CTNND2: variants seen among roughly 807,000 people sequenced by gnomAD.
The protein encoded by CTNND2 is catenin delta-2.
In CTNND2, 22 loss-of-function variants were observed where a neutral mutation model predicts 144.4. That is an observed-to-expected ratio of 0.15 (90% confidence interval 0.11 to 0.22). The LOEUF is 0.22. Ranked by LOEUF, CTNND2 falls within the 10% of genes least tolerant of loss-of-function variation. The pLI is 1.00. For synonymous variants in CTNND2, 751 were observed against 695.6 expected, an observed-to-expected ratio of 1.08 and a Z score of -1.25; for missense variants, 1,353 against 1,618.8, an observed-to-expected ratio of 0.84 and a Z score of 2.82.
intron 9 of CTNND2, among the ~76,000 whole-genome samples, chr5:11,240,476 TACACTCAAAC>T (rs1742206199): frequency 1.8e-5 from 1 of 56,384 alleles, no homozygotes; most frequent in African/African-American, 7.0e-5. Context: ...CACACTCACA[TACACTCAAAC>T]ACACACCCAA....
At chr5:11,600,257 C>T (rs1328060379) in intron 2 of CTNND2, among the ~76,000 whole-genome samples, 5 of 151,942 alleles carry the variant, frequency 3.3e-5, no homozygotes, top group African/African-American at 9.7e-5. Flanking sequence ...TTGCTGACAC[C>T]TAAATTCTAA....
chr5:11,396,916 G>T, intron 6 of CTNND2, 115 bp downstream of exon 6: 2 of 984,212 alleles, frequency 2.0e-6, no homozygotes, highest in South Asian at 1.8e-5. Context: ...TCAAGTTGAG[G>T]GACACACCTA....
Position 11,268,532 on chromosome 5 carries a change from T to C in CTNND2, c.1629-31709A>G, listed in dbSNP as rs549530415. On this transcript the variant is annotated intron_variant, in intron 9 of 21. Coordinates refer to ENST00000304623, the MANE Select transcript of CTNND2 (RefSeq NM_001332.4). ...TTGAACTTGACCTGAGAGGTGGAGG[T>C]TGCAGTGAGCCAAGATCATGCCACT... Among the ~76,000 whole-genome samples the C allele has an allele frequency of 6.6e-5, 10 of 152,130 alleles. No individual in the cohort carries two copies. In the South Asian group the frequency reaches 2.1e-3, roughly 32 times the overall value.
intron 10 of CTNND2, among the ~76,000 whole-genome samples, chr5:11,202,875 G>C (rs1159288947): frequency 6.6e-6 from 1 of 151,998 alleles, no homozygotes; most frequent in African/African-American, 2.4e-5. Flanking sequence ...CACGATCTCA[G>C]CTCACTAAAA....
At chr5:11,364,673 C>A in intron 8 of CTNND2, 23 bp downstream of exon 8, 2 of 1,584,394 alleles carry the variant, frequency 1.3e-6, no homozygotes, top group South Asian at 2.3e-5. Context: ...GACAGGCCAC[C>A]CAGTGGGGTC....
At chr5:11,120,186 G>C (rs1753943879) in intron 12 of CTNND2, among the ~76,000 whole-genome samples, 1 of 152,208 alleles carries the variant, frequency 6.6e-6, no homozygotes, top group South Asian at 2.1e-4. Context: ...AGCAGAGAAG[G>C]GGAGTGACTG....
intron 2 of CTNND2, among the ~76,000 whole-genome samples, chr5:11,656,231 G>C (rs1402694172): frequency 1.3e-5 from 2 of 151,860 alleles, no homozygotes; most frequent in Non-Finnish European, 2.9e-5. Flanking sequence ...ACGTTACCTA[G>C]AAATACAATC....
In CTNND2 at chr5:11,233,716, C is replaced by CTGTGTG. The variant is rs3033106; in HGVS notation, c.1761+2969_1761+2974dup. On this transcript the variant is annotated intron_variant, in intron 10 of 21. Coordinates refer to ENST00000304623, the MANE Select transcript of CTNND2 (RefSeq NM_001332.4). Reference sequence around the variant, plus strand: ...AGAATCCTTATTAGAGTTTACGTGTCTGTGTGTGTGTGTGTGTGTGTGTGT... The same window carrying CTGTGTG: ...AGAATCCTTATTAGAGTTTACGTGTCTGTGTGTGTGTGTGTGTGTGTGTGTGTGTGT... 8.3e-3 allele frequency among the ~76,000 whole-genome samples: 1,225 copies of CTGTGTG among 148,318 alleles called. 12 individuals carry two copies. Among genetic ancestry groups the CTGTGTG allele is most frequent in the African/African-American group, 0.014 (560 of 40,254 alleles).
chr5:11,288,461 C>T (rs1015770572), intron 9 of CTNND2, among the ~76,000 whole-genome samples: 8 of 151,994 alleles, frequency 5.3e-5, no homozygotes, highest in Non-Finnish European at 8.8e-5. Context: ...GTTGTGTGAG[C>T]GCTTGCATGG....
chr5:11,121,727 G>A (rs969179456), intron 12 of CTNND2, among the ~76,000 whole-genome samples: 1 of 152,052 alleles, frequency 6.6e-6, no homozygotes, highest in African/African-American at 2.4e-5. Flanking sequence ...AGGACCCAAC[G>A]TGGAACTCAG....
At chr5:11,203,106 C>T (rs960916628) in intron 10 of CTNND2, among the ~76,000 whole-genome samples, 1 of 152,144 alleles carries the variant, frequency 6.6e-6, no homozygotes, top group Non-Finnish European at 1.5e-5. Flanking sequence ...CACCTGGCCC[C>T]TTCCTCCAAT....
chr5:11,760,468 A>T (rs190882351), intron 1 of CTNND2, among the ~76,000 whole-genome samples: 2 of 152,324 alleles, frequency 1.3e-5, no homozygotes, highest in Admixed American at 6.5e-5. Context: ...ACATAACTGC[A>T]TCAAGAATAG....
intron 1 of CTNND2, among the ~76,000 whole-genome samples, chr5:11,879,174 G>A (rs1735786909): frequency 6.6e-6 from 1 of 151,936 alleles, no homozygotes; most frequent in Non-Finnish European, 1.5e-5. Flanking sequence ...TGAAAGGAGA[G>A]GAAGGTGGAG....
chr5:11,417,545 T>C (rs1561361598), intron 3 of CTNND2, among the ~76,000 whole-genome samples: 1 of 151,578 alleles, frequency 6.6e-6, no homozygotes, highest in Non-Finnish European at 1.5e-5. Context: ...CAAAAAAAAA[T>C]GTATGGCCAC....
chr5:11,412,201 G>T (rs1022557411), intron 3 of CTNND2, 132 bp from the exon 4 acceptor site: 15 of 660,436 alleles, frequency 2.3e-5, no homozygotes, highest in Non-Finnish European at 3.8e-5. Context: ...TTCTTACTAT[G>T]AAAAGGGATT....
intron 3 of CTNND2, among the ~76,000 whole-genome samples, chr5:11,437,382 G>A (rs563078619): frequency 3.3e-5 from 5 of 152,316 alleles, no homozygotes; most frequent in Admixed American, 2.0e-4. Flanking sequence ...GGAATTGGAG[G>A]GGAAAAGATA....
chr5:11,142,183 A>T (rs539443736), intron 12 of CTNND2, among the ~76,000 whole-genome samples: 3 of 152,348 alleles, frequency 2.0e-5, no homozygotes, highest in Non-Finnish European at 2.9e-5. Flanking sequence ...GGACTAAGAC[A>T]CCTGTCAAAT....
intron 1 of CTNND2, among the ~76,000 whole-genome samples, chr5:11,773,326 A>G (rs1435670918): frequency 6.6e-6 from 1 of 152,238 alleles, no homozygotes; most frequent in Non-Finnish European, 1.5e-5. Flanking sequence ...ACAATTAGTA[A>G]TGATGCAAAT....
chr5:11,328,968 G>A (rs1406544269), intron 9 of CTNND2, among the ~76,000 whole-genome samples: 1 of 152,200 alleles, frequency 6.6e-6, no homozygotes, highest in African/African-American at 2.4e-5. Flanking sequence ...GGAAGTCCAA[G>A]ATCCAAGTCC....
Sources: gnomAD v4.1 joint callset for allele counts (sites outside exome capture counted in the v4.1 genomes callset) on GRCh38, gnomAD v4.1.1 for gene constraint, MANE v1.5 for transcripts, NCBI Gene and HGNC (gene_info 2026-07-23, HGNC 2026-07-21) for gene names.